ZNF335: variants seen among roughly 807,000 people sequenced by gnomAD.
ZNF335 encodes the protein NRC-interacting factor 1.
ZNF335 carries 84 observed loss-of-function variants against 145.6 expected under a neutral mutation model. The observed-to-expected ratio is 0.58, with a 90% confidence interval of 0.48 to 0.69. The LOEUF (loss-of-function observed/expected upper bound fraction) is 0.69. ZNF335 is among the 30% of genes least tolerant of loss of function. The pLI is 0.00. For missense variants in ZNF335, 1,865 were observed against 1,809.7 expected, an observed-to-expected ratio of 1.03 and a Z score of -0.55; for synonymous variants, 761 against 717.0, an observed-to-expected ratio of 1.06 and a Z score of -0.98.
intron 14 of ZNF335, among the ~76,000 whole-genome samples, 154 bp downstream of exon 14, chr20:45,960,054 C>T (rs192292926): frequency 1.4e-4 from 21 of 152,298 alleles, no homozygotes; most frequent in African/African-American, 4.3e-4. Context: ...AGGGTGAATA[C>T]GCCTATGGGA....
Position 45,950,072 on chromosome 20 carries a change from G to T in ZNF335, c.3488-3C>A. Reference sequence around the variant, plus strand: ...CCCGTGACTGGACTGGAGTGCAGCTGGGCAGAGAGGAGAGGATGCTCACCT... The same window carrying T: ...CCCGTGACTGGACTGGAGTGCAGCTTGGCAGAGAGGAGAGGATGCTCACCT... On this transcript the variant is annotated splice_region_variant and splice_polypyrimidine_tract_variant and intron_variant, in intron 22 of 27. Coordinates refer to ENST00000322927, the MANE Select transcript of ZNF335 (RefSeq NM_022095.4). 1 of 1,613,250 alleles carries T rather than the reference G, an allele frequency of 6.2e-7. No individual in the cohort carries two copies. The highest frequency in any genetic ancestry group is 8.5e-7 in the Non-Finnish European group (1 of 1,179,718).
Position 45,952,298 on chromosome 20 carries a change from G to A in ZNF335, c.3038C>T (p.Thr1013Ile), listed in dbSNP as rs200554054. ...GCAGGAAAACTTCTTTGATGCAGCA[G>A]TGGCTGCAGATGGCGGTGACGGGGG... is the stretch of plus-strand genomic sequence containing the variant. ...AVPPSPPSAA[T>I]AASKKFSCKI... The change falls in exon 20 of 28, where the codon ACT (threonine) becomes ATT (isoleucine). Residue 1013 changes from threonine to isoleucine, a missense_variant. Coordinates refer to ENST00000322927, the MANE Select transcript of ZNF335 (RefSeq NM_022095.4). 1.9e-5 allele frequency: 31 copies of A among 1,613,490 alleles called. No homozygotes were observed. The highest frequency in any genetic ancestry group is 1.9e-5 in the Non-Finnish European group (23 of 1,180,024).
intron 15 of ZNF335, among the ~76,000 whole-genome samples, chr20:45,958,718 A>G (rs113108471): frequency 0.011 from 1,676 of 152,310 alleles, 26 homozygotes; most frequent in African/African-American, 0.038. Flanking sequence ...CTTCAGGTGA[A>G]GTTCATGAGG....
intron 17 of ZNF335, among the ~76,000 whole-genome samples, chr20:45,957,376 A>G (rs1458959112): frequency 6.6e-6 from 1 of 152,236 alleles, no homozygotes; most frequent in African/African-American, 2.4e-5. Flanking sequence ...GTGATTCTGG[A>G]GAATGGACGG....
At chr20:45,951,696 C>T (rs921273877) in intron 20 of ZNF335, among the ~76,000 whole-genome samples, 2 of 152,226 alleles carry the variant, frequency 1.3e-5, no homozygotes, top group Non-Finnish European at 2.9e-5. Context: ...CCACCTGCCG[C>T]TCACCTGCTG....
intron 24 of ZNF335, 99 bp downstream of exon 24, chr20:45,949,701 C>A: frequency 6.6e-7 from 1 of 1,505,638 alleles, no homozygotes; most frequent in Non-Finnish European, 9.1e-7. Context: ...GCATGGACCC[C>A]AGGAGGGGTG....
intron 1 of ZNF335, chr20:45,971,700 C>T (rs1225579004): frequency 1.0e-6 from 1 of 985,486 alleles, no homozygotes; most frequent in East Asian, 1.1e-4. Context: ...TTGACCCTTT[C>T]CCTCGCCCCC....
At position 45,952,672 on chromosome 20, in the gene ZNF335, C is replaced by G; in HGVS notation, c.2740G>C (p.Val914Leu). ...PAGEAAQAVVVSDTLKEAGTH... is the reference protein window; with the variant it reads ...PAGEAAQAVVLSDTLKEAGTH... ...CCAGCTTCTTTTAGGGTGTCACTCA[C>G]AACCACAGCCTGGGCTGCCTCTCCT... Residue 914 changes from valine (V) to leucine (L), a missense_variant, in exon 19 of 28, where the codon GTG becomes CTG. Physicochemically the swap from Val to Leu is conservative, Grantham distance 32. Transcript: ENST00000322927. 6.2e-7 allele frequency: 1 copy of G among 1,613,806 alleles called. No individual in the cohort carries two copies. The highest frequency in any genetic ancestry group is 8.5e-7 in the Non-Finnish European group (1 of 1,180,006).
intron 1 of ZNF335, 37 bp downstream of exon 1, chr20:45,972,085 G>T (rs959366349): frequency 1.6e-6 from 2 of 1,287,978 alleles, no homozygotes; most frequent in African/African-American, 3.0e-5. Flanking sequence ...TCCACGGCAG[G>T]GTACGGTGGG....
intron 21 of ZNF335, 36 bp from the exon 22 acceptor site, chr20:45,950,409 C>T (rs746692240): frequency 6.2e-7 from 1 of 1,612,628 alleles, no homozygotes; most frequent in Non-Finnish European, 8.5e-7. Context: ...GTTAGCTCCA[C>T]CATACATGCC....
intron 2 of ZNF335, among the ~76,000 whole-genome samples, chr20:45,970,452 A>G (rs2084037956): frequency 6.6e-6 from 1 of 152,254 alleles, no homozygotes; most frequent in African/African-American, 2.4e-5. Context: ...TTAGCTTTGC[A>G]TATGTTAATT....
At chr20:45,966,900 T>C in intron 6 of ZNF335, 1 of 153,016 alleles carries the variant, frequency 6.5e-6, no homozygotes, top group South Asian at 2.0e-4. Context: ...GGTCTCGCTC[T>C]GTTGCCCAGG....
intron 7 of ZNF335, chr20:45,964,505 G>A (rs1453731261): frequency 6.5e-6 from 1 of 154,224 alleles, no homozygotes; most frequent in Non-Finnish European, 1.4e-5. Flanking sequence ...CAAACCATTT[G>A]GACAATCTAA....
intron 7 of ZNF335, chr20:45,964,481 G>A (rs2083913006): frequency 1.3e-5 from 2 of 156,264 alleles, no homozygotes; most frequent in Non-Finnish European, 1.4e-5. Flanking sequence ...AGGGAGATGT[G>A]ACTTCCATGC....
chr20:45,958,726 A>G (rs1029804666), intron 15 of ZNF335, among the ~76,000 whole-genome samples: 1 of 152,216 alleles, frequency 6.6e-6, no homozygotes, highest in Non-Finnish European at 1.5e-5. Context: ...GAAGTTCATG[A>G]GGAATGATGG....
At chr20:45,961,844 C>A in intron 10 of ZNF335, 1 of 479,764 alleles carries the variant, frequency 2.1e-6, no homozygotes, top group Non-Finnish European at 3.8e-6. Context: ...AACTAAAGCT[C>A]ACAAGAGGTA....
rs947595165 is a variant in ZNF335, at chr20:45,965,069, T to A, written c.1102+559A>T. 2.0e-5 allele frequency among the ~76,000 whole-genome samples: 3 copies of A among 147,888 alleles called. No homozygotes were observed. In the East Asian group the frequency reaches 5.9e-4, roughly 29 times the overall value. Reference sequence around the variant, plus strand: ...ATAATAATAATAATAATAATAATAATACAACAACTCTCCAACCATAAACAG... The same window carrying A: ...ATAATAATAATAATAATAATAATAAAACAACAACTCTCCAACCATAAACAG... On this transcript the variant is annotated intron_variant, in intron 7 of 27. Transcript: ENST00000322927.
At chr20:45,967,366 G>A (rs1394074516) in intron 6 of ZNF335, 128 bp downstream of exon 6, 1 of 1,455,382 alleles carries the variant, frequency 6.9e-7, no homozygotes, top group East Asian at 2.3e-5. Context: ...AACCTCCTCT[G>A]TCTTATACTG....
rs1042460711 is a variant in ZNF335 at position 45,963,896 on chromosome 20, G to C, written c.1197C>G (p.His399Gln). The change falls in exon 8 of 28, where the codon CAC becomes CAG. Residue 399 changes from histidine to glutamine, a missense_variant. Transcript: ENST00000322927. ...TGCTCACCTTGCCCATGGCCACCAG[G>C]TGTCCTGGGCCTGAGGAGCTGGGAG... is the stretch of plus-strand genomic sequence containing the variant. Reference protein sequence around the residue: ...PEAPSSSGPGHLVAMGKVSRT... With the variant: ...PEAPSSSGPGQLVAMGKVSRT... 1 of 1,600,028 alleles carries C rather than the reference G, an allele frequency of 6.2e-7. No individual in the cohort carries two copies.
Sources: allele counts gnomAD v4.1 joint callset (sites outside exome capture counted in the v4.1 genomes callset), GRCh38; gene constraint gnomAD v4.1.1; transcripts MANE v1.5; gene names NCBI Gene and HGNC (gene_info 2026-07-23, HGNC 2026-07-21).